Variants in ITGBL1 observed in about 807,000 individuals in gnomAD.
ITGBL1 encodes the protein integrin beta-like protein 1.
ITGBL1 carries 51 observed loss-of-function variants against 68.5 expected under a neutral mutation model. The ratio of observed to expected loss-of-function variants is 0.74; its 90% CI spans 0.59 to 0.94. The LOEUF (loss-of-function observed/expected upper bound fraction) is 0.94, where lower values mean the gene tolerates loss of function less well. Among genes scored for constraint, ITGBL1 ranks in the 40% least tolerant of loss-of-function variants. The pLI, the probability that ITGBL1 is intolerant of heterozygous loss-of-function variation, is 0.00. For missense variants in ITGBL1, 649 were observed against 647.4 expected, an observed-to-expected ratio of 1.00 and a Z score of -0.03; for synonymous variants, 209 against 227.3, an observed-to-expected ratio of 0.92 and a Z score of 0.72.
chr13:101,641,486 G>T, intron 7 of ITGBL1, among the ~76,000 whole-genome samples: 1 of 149,970 alleles, frequency 6.7e-6, no homozygotes. Flanking sequence ...ATTTTGGGGT[G>T]TACTCCTTCA....
intron 7 of ITGBL1, among the ~76,000 whole-genome samples, chr13:101,628,239 T>C (rs2031852766): frequency 6.6e-6 from 1 of 152,186 alleles, no homozygotes; most frequent in South Asian, 2.1e-4. Flanking sequence ...GCCATCTGTA[T>C]GTTTTCTTTA....
chr13:101,500,660 A>T (rs539718168), intron 2 of ITGBL1, among the ~76,000 whole-genome samples: 1 of 152,190 alleles, frequency 6.6e-6, no homozygotes, highest in Non-Finnish European at 1.5e-5. Flanking sequence ...GTAACCATTC[A>T]GTTGCATTTT....
intron 2 of ITGBL1, among the ~76,000 whole-genome samples, chr13:101,460,154 C>T (rs1422799062): frequency 1.3e-5 from 2 of 152,164 alleles, no homozygotes; most frequent in Admixed American, 6.5e-5. Flanking sequence ...TTGCCCACTC[C>T]TTCACCTCCG....
intron 2 of ITGBL1, among the ~76,000 whole-genome samples, chr13:101,486,028 G>A (rs7325211): frequency 0.037 from 5,627 of 151,980 alleles, 357 homozygotes; most frequent in African/African-American, 0.13. Flanking sequence ...ATCATTAGAC[G>A]AAAAAGATAA....
intron 2 of ITGBL1, among the ~76,000 whole-genome samples, chr13:101,554,894 C>T (rs995706628): frequency 6.6e-6 from 1 of 152,152 alleles, no homozygotes; most frequent in Non-Finnish European, 1.5e-5. Flanking sequence ...CTCTTCACAG[C>T]CCCTCAGGTT....
intron 2 of ITGBL1, among the ~76,000 whole-genome samples, chr13:101,507,874 A>G (rs1186793597): frequency 6.6e-6 from 1 of 152,222 alleles, no homozygotes; most frequent in African/African-American, 2.4e-5. Context: ...CTTAGATTGT[A>G]CATAGGGCAT....
rs183219377 is a variant in ITGBL1, at chr13:101,526,577, A to C, written c.317-41122A>C. Among the ~76,000 whole-genome samples, 48 of 151,936 alleles carry C rather than the reference A, an allele frequency of 3.2e-4. 1 individual carries two copies. In the East Asian group the frequency reaches 8.8e-3, roughly 28 times the overall value. Reference sequence around the variant, plus strand: ...AAACCATTATTCTCAGCAAACTAACACAGGAATAGAAAGCCAAAGGCTAGT... The same window carrying C: ...AAACCATTATTCTCAGCAAACTAACCCAGGAATAGAAAGCCAAAGGCTAGT... On this transcript the variant is annotated intron_variant, in intron 2 of 10. Transcript: ENST00000376180.
At chr13:101,711,971 C>T (rs1204397397) in intron 9 of ITGBL1, 2 of 152,198 alleles carry the variant, frequency 1.3e-5, no homozygotes, top group East Asian at 3.9e-4. Flanking sequence ...CCATTTCTCA[C>T]CTCTTGATAG....
In ITGBL1 at chr13:101,453,977, G is replaced by T. The variant is rs905400019; in HGVS notation, c.193G>T (p.Gly65Cys). 1.3e-6 allele frequency: 2 copies of T among 1,530,986 alleles called. No individual in the cohort carries two copies. Among genetic ancestry groups the T allele is most frequent in the African/African-American group, 1.4e-5 (1 of 71,428 alleles). The allele number at this position is 1,530,986 out of a possible 1,614,324, so 94.8% of individuals were successfully genotyped here. A position where few individuals can be genotyped will look rare whatever the true frequency, so the allele number is the denominator to read the frequency against. ...GCCCCCGGGGGCCGCGCTGTGCCAC[G>T]GCCGGGGCCGCTGCGACTGCGGCGT... Reference protein sequence around the residue: ...GQPPGAALCHGRGRCDCGVCI... With the variant: ...GQPPGAALCHCRGRCDCGVCI... Residue 65 changes from glycine to cysteine, a missense_variant, in exon 2 of 11, where the codon GGC becomes TGC. Transcript: ENST00000376180.
At chr13:101,543,153 T>C (rs929729769) in intron 2 of ITGBL1, among the ~76,000 whole-genome samples, 3 of 152,182 alleles carry the variant, frequency 2.0e-5, no homozygotes, top group African/African-American at 7.2e-5. Flanking sequence ...TTCCTAGCCT[T>C]GATGGTCTTT....
At chr13:101,455,981 A>G (rs2048238404) in intron 2 of ITGBL1, among the ~76,000 whole-genome samples, 1 of 152,204 alleles carries the variant, frequency 6.6e-6, no homozygotes, top group South Asian at 2.1e-4. Context: ...TCCCTGTTGA[A>G]GAACCTAGGC....
intron 6 of ITGBL1, among the ~76,000 whole-genome samples, chr13:101,587,624 C>G (rs1198269629): frequency 1.3e-5 from 2 of 152,136 alleles, no homozygotes; most frequent in Non-Finnish European, 2.9e-5. Context: ...TAAACTTTAT[C>G]GTTCAGCTTT....
intron 2 of ITGBL1, among the ~76,000 whole-genome samples, chr13:101,525,740 A>T (rs919715357): frequency 2.0e-5 from 3 of 152,114 alleles, no homozygotes; most frequent in Admixed American, 6.6e-5. Context: ...ATATGTGCAC[A>T]CTTGAAAACA....
At chr13:101,476,880 A>G (rs2048545096) in intron 2 of ITGBL1, among the ~76,000 whole-genome samples, 1 of 152,118 alleles carries the variant, frequency 6.6e-6, no homozygotes, top group South Asian at 2.1e-4. Flanking sequence ...TGAGAGATAG[A>G]CCCCAATACA....
intron 2 of ITGBL1, among the ~76,000 whole-genome samples, chr13:101,541,651 C>G (rs1249720534): frequency 6.6e-6 from 1 of 152,184 alleles, no homozygotes; most frequent in Non-Finnish European, 1.5e-5. Flanking sequence ...CCTTGTACCA[C>G]TGGTAGAATT....
intron 2 of ITGBL1, among the ~76,000 whole-genome samples, chr13:101,536,063 TA>T (rs1312287747): frequency 3.5e-5 from 5 of 142,072 alleles, no homozygotes; most frequent in African/African-American, 1.3e-4. Flanking sequence ...CTTTTTTTTT[TA>T]AATTATACTT....
Position 101,453,966 on chromosome 13 carries a change from CG to C in ITGBL1, c.183del (p.Leu62CysfsTer17). On this transcript the variant is annotated frameshift_variant, in exon 2 of 11. Transcript: ENST00000376180. LOFTEE classifies it high-confidence loss of function. ...GCACCTGGGCAGCCCCCGGGGGCCG[CG>C]CTGTGCCACGGCCGGGGCCGCTGCG... ...CRAPGQPPGA[A>X]LCHGRGRCDC... The C allele has an allele frequency of 6.6e-7, 1 of 1,518,312 alleles. No homozygotes were observed. Among genetic ancestry groups the C allele is most frequent in the Admixed American group, 2.1e-5 (1 of 48,180 alleles). 94.1% of individuals were successfully genotyped at this position (1,518,312 alleles called of 1,614,324 possible).
intron 2 of ITGBL1, among the ~76,000 whole-genome samples, chr13:101,524,517 C>T (rs2049340126): frequency 6.6e-6 from 1 of 151,534 alleles, no homozygotes; most frequent in Non-Finnish European, 1.5e-5. Context: ...GTCATTATGC[C>T]AATTGACATA....
chr13:101,579,498 C>T, intron 5 of ITGBL1, 71 bp downstream of exon 5: 1 of 1,487,174 alleles, frequency 6.7e-7, no homozygotes, highest in Non-Finnish European at 9.2e-7. Flanking sequence ...CACTTCTTTT[C>T]TTTGTATTTC....
Sources: allele counts gnomAD v4.1 joint callset (sites outside exome capture counted in the v4.1 genomes callset), GRCh38; gene constraint gnomAD v4.1.1; transcripts MANE v1.5; gene names NCBI Gene and HGNC (gene_info 2026-07-23, HGNC 2026-07-21).